Variants in FZD1 observed in about 807,000 individuals in gnomAD.
FZD1 encodes frizzled-1.
Under a neutral mutation model 48.0 loss-of-function variants are expected in FZD1, and 22 were observed. That is an observed-to-expected ratio of 0.46 (90% confidence interval 0.33 to 0.65). The LOEUF is 0.65. Ranked by LOEUF, FZD1 falls within the 30% of genes least tolerant of loss-of-function variation. The pLI, the probability that FZD1 is intolerant of heterozygous loss-of-function variation, is 0.02. For synonymous variants in FZD1, 486 were observed against 409.6 expected (o/e 1.19, Z -2.25); for missense variants, 843 against 898.1 (o/e 0.94, Z 0.78).
Position 91,269,303 on chromosome 7 carries a change from TC to T in FZD1, c.*2480del, listed in dbSNP as rs1803934095. The T allele has an allele frequency of 6.0e-6, 1 of 166,938 alleles. No individual in the cohort carries two copies. The highest frequency in any genetic ancestry group is 2.4e-5 in the African/African-American group (1 of 41,462). The allele number at this position is 166,938 out of a possible 1,614,324, so 10.3% of individuals were successfully genotyped here. The stretch of plus-strand genomic sequence containing the variant: ...CAGATAAATTATCTAGTTGGTCTAC[TC>T]TTAGTCAGAATTTATGCATGGGTGT... On this transcript the variant is annotated 3_prime_UTR_variant, in exon 1 of 1. Transcript: ENST00000287934.
At position 91,268,617 on chromosome 7, in the gene FZD1, C is replaced by T. The variant is rs1803925499; in HGVS notation, c.*1793C>T. ...ATTTGGTATACATTTATTCTGTTCA[C>T]TATCACAAAATCATCTATATTTATA... On this transcript the variant is annotated 3_prime_UTR_variant, in exon 1 of 1. Coordinates refer to ENST00000287934, the MANE Select transcript of FZD1 (RefSeq NM_003505.2). 2 of 166,604 alleles carry T rather than the reference C, an allele frequency of 1.2e-5. No individual in the cohort carries two copies. Among genetic ancestry groups the T allele is most frequent in the African/African-American group, 4.8e-5 (2 of 41,422 alleles). The allele number at this position is 166,604 out of a possible 1,614,324, so 10.3% of individuals were successfully genotyped here. A position where few individuals can be genotyped will look rare whatever the true frequency, so the allele number is the denominator to read the frequency against.
In FZD1 at chr7:91,266,118, G is replaced by C. The variant is rs201361207; in HGVS notation, c.1238G>C (p.Ser413Thr). Reference protein sequence around the residue: ...TILFMMLYFFSMASSIWWVIL... With the variant: ...TILFMMLYFFTMASSIWWVIL... ...CTCTTCATGATGCTCTACTTCTTCA[G>C]CATGGCCAGCTCCATCTGGTGGGTG... Residue 413 changes from serine (S) to threonine (T), a missense_variant, in exon 1 of 1, where the codon AGC (serine) becomes ACC (threonine). By Grantham distance (58) the Ser-to-Thr change is moderately conservative (BLOSUM62 1). This residue lies in a region of FZD1 where 353 missense variants were observed against 431.6 expected (regional missense o/e 0.82). Coordinates refer to ENST00000287934, the MANE Select transcript of FZD1 (RefSeq NM_003505.2). The surrounding 1 kb of genome is among the most constrained non-coding windows in gnomAD (Gnocchi z 6.8). 1.9e-6 allele frequency: 3 copies of C among 1,614,224 alleles called. No individual in the cohort carries two copies. Among genetic ancestry groups the C allele is most frequent in the Non-Finnish European group, 2.5e-6 (3 of 1,180,048 alleles).
At position 91,268,990 on chromosome 7, in the gene FZD1, A is replaced by G. The variant is rs1584245720; in HGVS notation, c.*2166A>G. ...TTCTTTACTCAAAGAGGATTAAAAG[A>G]GAACTCTAATTTTAATATTAAAGCT... On this transcript the variant is annotated 3_prime_UTR_variant, in exon 1 of 1. Transcript: ENST00000287934. 6.0e-6 allele frequency: 1 copy of G among 166,558 alleles called. No homozygotes were observed. Among genetic ancestry groups the G allele is most frequent in the African/African-American group, 2.4e-5 (1 of 41,478 alleles). 10.3% of individuals were successfully genotyped at this position (166,558 alleles called of 1,614,324 possible).
In FZD1 at chr7:91,267,308, G is replaced by A. The variant is rs1007827898; in HGVS notation, c.*484G>A. 1 of 168,352 alleles carries A rather than the reference G, an allele frequency of 5.9e-6. No homozygotes were observed. Among genetic ancestry groups the A allele is most frequent in the African/African-American group, 2.4e-5 (1 of 41,434 alleles). The allele number at this position is 168,352 out of a possible 1,614,324, so 10.4% of individuals were successfully genotyped here. On this transcript the variant is annotated 3_prime_UTR_variant, in exon 1 of 1. Transcript: ENST00000287934. The stretch of plus-strand genomic sequence containing the variant: ...GCGCCTCTCCCTACCACGGGTGCTC[G>A]GGACGGCTGGGCGCCAGCTCCGGGG...
rs941422557 is a variant in FZD1 at position 91,267,454 on chromosome 7, C to T, written c.*630C>T. On this transcript the variant is annotated 3_prime_UTR_variant, in exon 1 of 1. Transcript: ENST00000287934. The stretch of plus-strand genomic sequence containing the variant: ...TTTCTTTCCTGGCTTGAGGTAGGGG[C>T]TCTTAAGGTACAGAACTCCACAAAC... The T allele has an allele frequency of 1.8e-5, 3 of 167,336 alleles. No individual in the cohort carries two copies. Among genetic ancestry groups the T allele is most frequent in the African/African-American group, 7.2e-5 (3 of 41,464 alleles). The allele number at this position is 167,336 out of a possible 1,614,324, so 10.4% of individuals were successfully genotyped here.
rs768525969 is a variant in FZD1, at chr7:91,265,965, A to G, written c.1085A>G (p.Tyr362Cys). The G allele has an allele frequency of 1.9e-6, 3 of 1,613,932 alleles. No homozygotes were observed. Among genetic ancestry groups the G allele is most frequent in the African/African-American group, 2.7e-5 (2 of 74,914 alleles). ...CCCATCATCTTCTTGTCCGGCTGTT[A>G]CACGGCCGTGGCCGTGGCCTACATC... ...ERPIIFLSGC[Y>C]TAVAVAYIAG... The change falls in exon 1 of 1, where the codon TAC (tyrosine) becomes TGC (cysteine). Residue 362 changes from tyrosine to cysteine, a missense_variant. This residue lies in a region of FZD1 where 353 missense variants were observed against 431.6 expected (regional missense o/e 0.82). Transcript: ENST00000287934. This position sits in a 1 kb window ranked among gnomAD's most constrained non-coding sequence, Gnocchi z 6.9.
rs1338401569 is a variant in FZD1 at position 91,265,753 on chromosome 7, G to T, written c.873G>T (p.Leu291=). Residue 291 remains leucine (L), a synonymous_variant, in exon 1 of 1, where the codon CTG becomes CTT. Transcript: ENST00000287934. This position sits in a 1 kb window ranked among gnomAD's most constrained non-coding sequence, Gnocchi z 6.9. ...CCTCCTACCTCAACTACCACTTCCTGGGGGAGAAGGACTGCGGCGCACCTT... is the reference window on the plus strand; with the variant it reads ...CCTCCTACCTCAACTACCACTTCCTTGGGGAGAAGGACTGCGGCGCACCTT... The part of the protein sequence containing the change: ...KVPSYLNYHF[L]GEKDCGAPCE... 3.7e-6 allele frequency: 6 copies of T among 1,612,204 alleles called. No homozygotes were observed. The highest frequency in any genetic ancestry group is 5.1e-6 in the Non-Finnish European group (6 of 1,178,696).
rs560011126 is a variant in FZD1, at chr7:91,270,291, C to G, written c.*3467C>G. On this transcript the variant is annotated 3_prime_UTR_variant, in exon 1 of 1. Transcript: ENST00000287934. ...TGAAAGACTTCTGAAGCTCTTCTTTCTAAAAAAGCAGTTTTCCACTTAAGC... is the reference window on the plus strand; with the variant it reads ...TGAAAGACTTCTGAAGCTCTTCTTTGTAAAAAAGCAGTTTTCCACTTAAGC... 1 of 167,042 alleles carries G rather than the reference C, an allele frequency of 6.0e-6. No homozygotes were observed. Among genetic ancestry groups the G allele is most frequent in the Admixed American group, 6.5e-5 (1 of 15,296 alleles). 10.3% of individuals were successfully genotyped at this position (167,042 alleles called of 1,614,324 possible).
chr7:91,264,893 G>C lies in FZD1; in HGVS notation c.13G>C (p.Glu5Gln). Residue 5 changes from glutamate to glutamine, a missense_variant, in exon 1 of 1, where the codon GAG becomes CAG. Physicochemically the swap from Glu to Gln is conservative, Grantham distance 29. Around this residue, in one of 2 missense-constraint regions of FZD1, gnomAD observed 490 missense variants for 466.5 expected, o/e 1.05. Coordinates refer to ENST00000287934, the MANE Select transcript of FZD1 (RefSeq NM_003505.2). MAEE[E>Q]APKKSRAAGG... ...GAGCCGAGAAAGTATGGCTGAGGAG[G>C]AGGCGCCTAAGAAGTCCCGGGCCGC... The C allele has an allele frequency of 7.6e-7, 1 of 1,313,688 alleles. No individual in the cohort carries two copies. The highest frequency in any genetic ancestry group is 9.6e-7 in the Non-Finnish European group (1 of 1,036,736). 81.4% of individuals were successfully genotyped at this position (1,313,688 alleles called of 1,614,324 possible).
Position 91,265,360 on chromosome 7 carries a change from G to A in FZD1, c.480G>A (p.Gln160=). 1.2e-6 allele frequency: 2 copies of A among 1,614,124 alleles called. No individual in the cohort carries two copies. Among genetic ancestry groups the A allele is most frequent in the South Asian group, 2.2e-5 (2 of 91,086 alleles). Residue 160 remains glutamine (Q), a synonymous_variant, in exon 1 of 1, where the codon CAG becomes CAA. Coordinates refer to ENST00000287934, the MANE Select transcript of FZD1 (RefSeq NM_003505.2). This position sits in a 1 kb window ranked among gnomAD's most constrained non-coding sequence, Gnocchi z 6.9. ...VHQFYPLVKV[Q]CSAELKFFLC... ...AGTTCTACCCTCTAGTGAAAGTGCA[G>A]TGTTCCGCTGAGCTCAAGTTCTTCC... is the stretch of plus-strand genomic sequence containing the variant.
In FZD1 at chr7:91,266,588, G is replaced by A; in HGVS notation, c.1708G>A (p.Val570Met). 1 of 1,613,600 alleles carries A rather than the reference G, an allele frequency of 6.2e-7. No homozygotes were observed. Among genetic ancestry groups the A allele is most frequent in the Non-Finnish European group, 8.5e-7 (1 of 1,180,018 alleles). Residue 570 changes from valine (V) to methionine (M), a missense_variant, in exon 1 of 1, where the codon GTG (valine) becomes ATG (methionine). This residue lies in a region of FZD1 where 353 missense variants were observed against 431.6 expected (regional missense o/e 0.82). Coordinates refer to ENST00000287934, the MANE Select transcript of FZD1 (RefSeq NM_003505.2). The surrounding 1 kb of genome is among the most constrained non-coding windows in gnomAD (Gnocchi z 6.8). ...AFRDQWERSWVAQSCKSYAIP... is the reference protein window; with the variant it reads ...AFRDQWERSWMAQSCKSYAIP... Reference sequence around the variant, plus strand: ...CCGGGACCAGTGGGAACGCAGCTGGGTGGCCCAGAGCTGCAAGAGCTACGC... The same window carrying A: ...CCGGGACCAGTGGGAACGCAGCTGGATGGCCCAGAGCTGCAAGAGCTACGC...
In FZD1 at chr7:91,266,778, T is replaced by G; in HGVS notation, c.1898T>G (p.Phe633Cys). 2 of 1,610,378 alleles carry G rather than the reference T, an allele frequency of 1.2e-6. No individual in the cohort carries two copies. Among genetic ancestry groups the G allele is most frequent in the African/African-American group, 1.3e-5 (1 of 74,994 alleles). ...SGKTLNSWRK[F>C]YTRLTNSKQG... ...AAGACCCTCAACTCCTGGAGGAAGTTCTACACGAGGCTCACCAACAGCAAA... is the reference window on the plus strand; with the variant it reads ...AAGACCCTCAACTCCTGGAGGAAGTGCTACACGAGGCTCACCAACAGCAAA... The change falls in exon 1 of 1, where the codon TTC becomes TGC. Residue 633 changes from phenylalanine (F) to cysteine (C), a missense_variant. Phe to Cys is a radical substitution (Grantham distance 205, BLOSUM62 -2). Coordinates refer to ENST00000287934, the MANE Select transcript of FZD1 (RefSeq NM_003505.2). This position sits in a 1 kb window ranked among gnomAD's most constrained non-coding sequence, Gnocchi z 6.8.
At position 91,265,877 on chromosome 7, in the gene FZD1, T is replaced by G. The variant is rs1242108671; in HGVS notation, c.997T>G (p.Ser333Ala). 6.2e-7 allele frequency: 1 copy of G among 1,613,978 alleles called. No individual in the cohort carries two copies. The stretch of plus-strand genomic sequence containing the variant: ...CATTTGGTCAGTGCTGTGCTGCGCC[T>G]CCACGCTCTTCACGGTGCTTACGTA... ...IGIWSVLCCASTLFTVLTYLV... is the reference protein window; with the variant it reads ...IGIWSVLCCAATLFTVLTYLV... Residue 333 changes from serine to alanine, a missense_variant, in exon 1 of 1, where the codon TCC becomes GCC. Transcript: ENST00000287934. The surrounding 1 kb of genome is among the most constrained non-coding windows in gnomAD (Gnocchi z 6.9).
chr7:91,264,874 A>T lies in FZD1; in HGVS notation c.-7A>T, dbSNP rs1205788627. ...CGGAGCGGCGCCAAGAGAGGAGCCG[A>T]GAAAGTATGGCTGAGGAGGAGGCGC... On this transcript the variant is annotated 5_prime_UTR_variant, in exon 1 of 1. It introduces an in-frame stop codon into an upstream open reading frame of the 5' UTR. Coordinates refer to ENST00000287934, the MANE Select transcript of FZD1 (RefSeq NM_003505.2). 1 of 1,289,012 alleles carries T rather than the reference A, an allele frequency of 7.8e-7. No individual in the cohort carries two copies. Among genetic ancestry groups the T allele is most frequent in the African/African-American group, 1.6e-5 (1 of 64,382 alleles). The allele number at this position is 1,289,012 out of a possible 1,614,324, so 79.8% of individuals were successfully genotyped here. A position where few individuals can be genotyped will look rare whatever the true frequency, so the allele number is the denominator to read the frequency against.
rs1803929114 is a variant in FZD1, at chr7:91,268,861, C to G, written c.*2037C>G. 6.0e-6 allele frequency: 1 copy of G among 166,978 alleles called. No homozygotes were observed. Among genetic ancestry groups the G allele is most frequent in the Non-Finnish European group, 1.5e-5 (1 of 68,098 alleles). 10.3% of individuals were successfully genotyped at this position (166,978 alleles called of 1,614,324 possible). On this transcript the variant is annotated 3_prime_UTR_variant, in exon 1 of 1. Coordinates refer to ENST00000287934, the MANE Select transcript of FZD1 (RefSeq NM_003505.2). ...TCTACCCTTAAACCCTCAGATCAGT[C>G]TTTCCAAAGAATTACTCTGTTTGCA... is the stretch of plus-strand genomic sequence containing the variant.
At position 91,264,653 on chromosome 7, in the gene FZD1, G is replaced by T. The variant is rs1415884812; in HGVS notation, c.-228G>T. ...GGAAGGCGGGACACGACCCCGGCGC[G>T]CCCTAGCCACCCGGGTTCTCCCCGC... is the stretch of plus-strand genomic sequence containing the variant. On this transcript the variant is annotated 5_prime_UTR_variant, in exon 1 of 1. Coordinates refer to ENST00000287934, the MANE Select transcript of FZD1 (RefSeq NM_003505.2). 4 of 388,988 alleles carry T rather than the reference G, an allele frequency of 1.0e-5. No homozygotes were observed. The highest frequency in any genetic ancestry group is 2.8e-4 in the South Asian group (2 of 7,074). 24.1% of individuals were successfully genotyped at this position (388,988 alleles called of 1,614,324 possible).
Position 91,265,623 on chromosome 7 carries a change from C to T in FZD1, c.743C>T (p.Thr248Ile), listed in dbSNP as rs1384880200. 1 of 1,600,984 alleles carries T rather than the reference C, an allele frequency of 6.2e-7. No homozygotes were observed. The highest frequency in any genetic ancestry group is 1.3e-5 in the African/African-American group (1 of 74,638). The change falls in exon 1 of 1, where the codon ACC becomes ATC. Residue 248 changes from threonine (T) to isoleucine (I), a missense_variant. Thr to Ile is a moderately conservative substitution (Grantham distance 89). This residue lies in a region of FZD1 where 490 missense variants were observed against 466.5 expected (regional missense o/e 1.05). Transcript: ENST00000287934. The surrounding 1 kb of genome is among the most constrained non-coding windows in gnomAD (Gnocchi z 6.9). ...CCCTCGCTGCTTCCAGAGTTCTGGACCAGCAACCCTCAGCACGGCGGCGGA... is the reference window on the plus strand; with the variant it reads ...CCCTCGCTGCTTCCAGAGTTCTGGATCAGCAACCCTCAGCACGGCGGCGGA... The part of the protein sequence containing the change: ...PTPSLLPEFW[T>I]SNPQHGGGGH...
Position 91,265,263 on chromosome 7 carries a change from C to T in FZD1, c.383C>T (p.Ala128Val), listed in dbSNP as rs149357966. The change falls in exon 1 of 1, where the codon GCG (alanine) becomes GTG (valine). Residue 128 changes from alanine (A) to valine (V), a missense_variant. Coordinates refer to ENST00000287934, the MANE Select transcript of FZD1 (RefSeq NM_003505.2). This position sits in a 1 kb window ranked among gnomAD's most constrained non-coding sequence, Gnocchi z 6.9. ...PISIPLCTDIAYNQTIMPNLL... is the reference protein window; with the variant it reads ...PISIPLCTDIVYNQTIMPNLL... ...TCCATCCCGCTGTGCACGGACATCG[C>T]GTACAACCAGACCATCATGCCCAAC... is the stretch of plus-strand genomic sequence containing the variant. 3.7e-6 allele frequency: 6 copies of T among 1,613,982 alleles called. No individual in the cohort carries two copies. The highest frequency in any genetic ancestry group is 2.7e-5 in the African/African-American group (2 of 74,938).
rs139043437 is a variant in FZD1 at position 91,266,565 on chromosome 7, G to A, written c.1685G>A (p.Arg562Gln). The change falls in exon 1 of 1, where the codon CGG (arginine) becomes CAG (glutamine). Residue 562 changes from arginine (R) to glutamine (Q), a missense_variant. Physicochemically the swap from Arg to Gln is conservative, Grantham distance 43. Coordinates refer to ENST00000287934, the MANE Select transcript of FZD1 (RefSeq NM_003505.2). This position sits in a 1 kb window ranked among gnomAD's most constrained non-coding sequence, Gnocchi z 6.8. ...TGCTACTTCTACGAGCAGGCCTTCC[G>A]GGACCAGTGGGAACGCAGCTGGGTG... The part of the protein sequence containing the change: ...IACYFYEQAF[R>Q]DQWERSWVAQ... The A allele has an allele frequency of 1.3e-5, 21 of 1,613,628 alleles. No homozygotes were observed. The highest frequency in any genetic ancestry group is 3.3e-5 in the Admixed American group (2 of 60,014).
Sources: gnomAD v4.1 joint callset for allele counts on GRCh38, gnomAD v4.1.1 for gene constraint, gnomAD v4.1.1 regional missense constraint, Gnocchi (gnomAD v3.1) non-coding constraint, MANE v1.5 for transcripts, NCBI Gene and HGNC (gene_info 2026-07-23, HGNC 2026-07-21) for gene names.